The following WDR41 variants were observed in gnomAD, a reference collection of about 807,000 sequenced individuals.
WDR41 encodes WD repeat domain 41.
In WDR41, 63 loss-of-function variants were observed where a neutral mutation model predicts 69.3. The observed-to-expected ratio is 0.91, with a 90% CI of 0.74 to 1.12. The LOEUF (loss-of-function observed/expected upper bound fraction) is 1.12. Ranked by LOEUF, WDR41 falls within the 50% of genes most tolerant of loss-of-function variation. The pLI is 0.00. For missense variants in WDR41, 543 were observed against 534.5 expected (o/e 1.02, Z -0.16); for synonymous variants, 185 against 192.1 (o/e 0.96, Z 0.31).
intron 2 of WDR41, among the ~76,000 whole-genome samples, chr5:77,471,157 A>T (rs1343612961): frequency 6.6e-6 from 1 of 152,248 alleles, no homozygotes; most frequent in Non-Finnish European, 1.5e-5. Flanking sequence ...GAAACTGAAC[A>T]ACCTGCTCCT....
At chr5:77,468,801 A>C (rs547288170) in intron 2 of WDR41, among the ~76,000 whole-genome samples, 4 of 152,216 alleles carry the variant, frequency 2.6e-5, no homozygotes, top group Non-Finnish European at 5.9e-5. Flanking sequence ...TGCATGATAA[A>C]ACTAAAATAC....
chr5:77,603,785 T>C (rs1744366426), intron 1 of WDR41, among the ~76,000 whole-genome samples: 1 of 152,232 alleles, frequency 6.6e-6, no homozygotes. Context: ...TTGATTCTTC[T>C]GCATGTGGAT....
chr5:77,478,213 C>T (rs142831571), intron 2 of WDR41, among the ~76,000 whole-genome samples: 1 of 152,008 alleles, frequency 6.6e-6, no homozygotes, highest in African/African-American at 2.4e-5. Flanking sequence ...AGTCCAGGAC[C>T]AGATGGATTC....
At chr5:77,560,598 T>C (rs1189594523) in intron 1 of WDR41, among the ~76,000 whole-genome samples, 1 of 152,052 alleles carries the variant, frequency 6.6e-6, no homozygotes. Flanking sequence ...GAATGATGAA[T>C]ATAAAAACTT....
intron 1 of WDR41, among the ~76,000 whole-genome samples, chr5:77,510,088 A>G (rs567242358): frequency 1.3e-5 from 2 of 152,306 alleles, no homozygotes; most frequent in African/African-American, 4.8e-5. Context: ...ACTGCTGATA[A>G]AGACATACCC....
chr5:77,443,931 G>A (rs1394019311), intron 8 of WDR41, among the ~76,000 whole-genome samples: 1 of 144,384 alleles, frequency 6.9e-6, no homozygotes. Context: ...CACCCAGGCT[G>A]GAGTACAGTA....
chr5:77,478,417 A>T (rs558777638), intron 2 of WDR41, among the ~76,000 whole-genome samples: 1 of 152,342 alleles, frequency 6.6e-6, no homozygotes, highest in East Asian at 1.9e-4. Flanking sequence ...ACTGATGCAA[A>T]AATCCTCAAT....
At chr5:77,580,725 G>A (rs1286379629) in intron 1 of WDR41, among the ~76,000 whole-genome samples, 2 of 152,104 alleles carry the variant, frequency 1.3e-5, no homozygotes, top group East Asian at 3.9e-4. Context: ...GGAGGCCAAG[G>A]TGGGCAGATC....
chr5:77,484,829 G>GT (rs1309670501), intron 2 of WDR41, among the ~76,000 whole-genome samples: 1 of 152,176 alleles, frequency 6.6e-6, no homozygotes, highest in African/African-American at 2.4e-5. Context: ...GAGGAATATA[G>GT]TTATCTGACT....
At chr5:77,516,555 T>G (rs1802293979) in intron 1 of WDR41, among the ~76,000 whole-genome samples, 1 of 149,146 alleles carries the variant, frequency 6.7e-6, no homozygotes, top group Non-Finnish European at 1.5e-5. Context: ...AGGTAAATAG[T>G]CCAGGGCTGT....
chr5:77,599,033 C>G (rs1744277553), intron 1 of WDR41, among the ~76,000 whole-genome samples: 1 of 151,678 alleles, frequency 6.6e-6, no homozygotes, highest in South Asian at 2.1e-4. Context: ...TTAGGAATAG[C>G]TTGAGGCACT....
chr5:77,593,063 C>A (rs1167749762), intron 1 of WDR41, among the ~76,000 whole-genome samples: 1 of 152,138 alleles, frequency 6.6e-6, no homozygotes, highest in Non-Finnish European at 1.5e-5. Context: ...GCAGAGGAAA[C>A]ACCAGGAGCA....
chr5:77,494,163 T>C (rs1228372943), upstream of WDR41, among the ~76,000 whole-genome samples: 1 of 152,046 alleles, frequency 6.6e-6, no homozygotes, highest in East Asian at 1.9e-4. Flanking sequence ...AAAATACCTG[T>C]AAAATATACA....
chr5:77,442,103 T>C (rs956758853), intron 8 of WDR41, among the ~76,000 whole-genome samples: 1 of 152,162 alleles, frequency 6.6e-6, no homozygotes, highest in African/African-American at 2.4e-5. Flanking sequence ...CTACTATACA[T>C]TAGTATTTTT....
chr5:77,494,098 A>G (rs1801901015), upstream of WDR41, among the ~76,000 whole-genome samples: 1 of 152,226 alleles, frequency 6.6e-6, no homozygotes, highest in Non-Finnish European at 1.5e-5. Context: ...GGTATAAATT[A>G]AAATGAGATT....
chr5:77,554,618 TTTTATAA>T (rs1743358061), intron 1 of WDR41, among the ~76,000 whole-genome samples: 1 of 149,248 alleles, frequency 6.7e-6, no homozygotes, highest in Admixed American at 6.7e-5. Flanking sequence ...AATATAAATT[TTTTATAA>T]TTTATAATAT....
At chr5:77,441,230 TAC>T (rs35191852) in intron 8 of WDR41, among the ~76,000 whole-genome samples, 2,018 of 152,268 alleles carry the variant, frequency 0.013, 19 homozygotes, top group Non-Finnish European at 0.02. Context: ...AGTAAAGAAA[TAC>T]CTCATGCTGG....
intron 1 of WDR41, among the ~76,000 whole-genome samples, chr5:77,528,431 C>A (rs1460045): frequency 0.49 from 74,112 of 151,404 alleles, 19,411 homozygotes; most frequent in African/African-American, 0.69. Context: ...AGGTGGCTTC[C>A]CAGGCTAATT....
At position 77,433,258 on chromosome 5, in the gene WDR41, T is replaced by C. The variant is rs994854931; in HGVS notation, c.1257A>G (p.Leu419=). The part of the protein sequence containing the change: ...EMFLYFEDHG[L]VTCSADHLII... Reference sequence around the variant, plus strand: ...TGAGATGATCAGCGGAGCACGTCACTAGTCCATGATCTTCAAAGTATAGAA... The same window carrying C: ...TGAGATGATCAGCGGAGCACGTCACCAGTCCATGATCTTCAAAGTATAGAA... The change falls in exon 13 of 13, where the codon CTA becomes CTG. Residue 419 remains leucine, a synonymous_variant. Coordinates refer to ENST00000296679, the MANE Select transcript of WDR41 (RefSeq NM_018268.4). The C allele has an allele frequency of 7.0e-5, 113 of 1,613,176 alleles. No individual in the cohort carries two copies. Among genetic ancestry groups the C allele is most frequent in the Non-Finnish European group, 9.4e-5 (111 of 1,179,792 alleles).
Sources: gnomAD v4.1 joint callset for allele counts (sites outside exome capture counted in the v4.1 genomes callset) on GRCh38, gnomAD v4.1.1 for gene constraint, MANE v1.5 for transcripts, NCBI Gene and HGNC (gene_info 2026-07-23, HGNC 2026-07-21) for gene names.